PLCE1: variants seen among roughly 807,000 people sequenced by gnomAD.
The protein encoded by PLCE1 is phospholipase C epsilon 1.
Under a neutral mutation model 242.8 loss-of-function variants are expected in PLCE1, and 119 were observed. That is an observed-to-expected ratio of 0.49 (90% CI 0.42 to 0.57). The LOEUF (loss-of-function observed/expected upper bound fraction) is 0.57. Ranked by LOEUF, PLCE1 falls within the 20% of genes least tolerant of loss-of-function variation. The probability of loss-of-function intolerance (pLI) is 0.00; values close to 1 mark genes in which losing one functional copy is unlikely to be tolerated. For synonymous variants in PLCE1, 945 were observed against 1,017.4 expected (o/e 0.93, Z 1.35); for missense variants, 2,441 against 2,788.8 (o/e 0.88, Z 2.81).
chr10:94,064,027 G>A (rs891225491), intron 2 of PLCE1, among the ~76,000 whole-genome samples: 4 of 152,112 alleles, frequency 2.6e-5, no homozygotes, highest in Non-Finnish European at 5.9e-5. Context: ...GTACTGAGAG[G>A]TGGACTGGGG....
chr10:94,068,015 A>G (rs2044245311), intron 2 of PLCE1, among the ~76,000 whole-genome samples: 2 of 152,182 alleles, frequency 1.3e-5, no homozygotes, highest in Admixed American at 1.3e-4. Flanking sequence ...GTCCTCTTCC[A>G]GCAGGCTTTG....
intron 2 of PLCE1, among the ~76,000 whole-genome samples, chr10:94,043,554 A>T (rs1361651885): frequency 6.6e-6 from 1 of 152,100 alleles, no homozygotes; most frequent in African/African-American, 2.4e-5. Flanking sequence ...AGCCTGTGGG[A>T]GTTTGGCAGT....
At chr10:94,127,276 A>T (rs2135849247) in intron 2 of PLCE1, among the ~76,000 whole-genome samples, 1 of 152,322 alleles carries the variant, frequency 6.6e-6, no homozygotes, top group African/African-American at 2.4e-5. Context: ...GTCTGGATCA[A>T]CTGATCTCTG....
At chr10:94,095,766 A>T (rs1358821048) in intron 2 of PLCE1, among the ~76,000 whole-genome samples, 1 of 152,152 alleles carries the variant, frequency 6.6e-6, no homozygotes, top group African/African-American at 2.4e-5. Flanking sequence ...TGTCTTCCTC[A>T]CTTTACAGAT....
intron 18 of PLCE1, among the ~76,000 whole-genome samples, chr10:94,272,388 G>A (rs2051779005): frequency 6.6e-6 from 1 of 152,106 alleles, no homozygotes; most frequent in African/African-American, 2.4e-5. Flanking sequence ...CTTTTTGCCT[G>A]ACCCTGCAGG....
At position 93,993,949 on chromosome 10, in the gene PLCE1, G is replaced by T. The variant is rs1303883460; in HGVS notation, c.-674G>T. On this transcript the variant is annotated 5_prime_UTR_variant, in exon 1 of 33. Coordinates refer to ENST00000371380, the MANE Select transcript of PLCE1 (RefSeq NM_016341.4). ...GCTGTCCGGGCAGCGCGCACATCTC[G>T]GCGGGAGCGGACTGTGAACGGCGCG... Among the ~76,000 whole-genome samples the T allele has an allele frequency of 6.6e-6, 1 of 151,104 alleles. No homozygotes were observed. Among genetic ancestry groups the T allele is most frequent in the Non-Finnish European group, 1.5e-5 (1 of 67,650 alleles).
At chr10:94,051,470 C>A (rs536797176) in intron 2 of PLCE1, among the ~76,000 whole-genome samples, 2 of 151,962 alleles carry the variant, frequency 1.3e-5, no homozygotes, top group Non-Finnish European at 1.5e-5. Context: ...AGAAACTGAT[C>A]CATCTAAAAA....
At chr10:93,994,308 G>C (rs778376169) in intron 1 of PLCE1, among the ~76,000 whole-genome samples, 50 bp downstream of exon 1, 5 of 152,240 alleles carry the variant, frequency 3.3e-5, no homozygotes, top group African/African-American at 7.2e-5. Context: ...AGAAAGGGAA[G>C]GATGGGCTGG....
chr10:94,009,864 T>C (rs890604512), intron 1 of PLCE1, among the ~76,000 whole-genome samples: 5 of 152,252 alleles, frequency 3.3e-5, no homozygotes, highest in Non-Finnish European at 7.3e-5. Flanking sequence ...TGGAGTCTGC[T>C]ATCTGTATCT....
intron 2 of PLCE1, among the ~76,000 whole-genome samples, chr10:94,074,518 A>C (rs1401298495): frequency 6.6e-6 from 1 of 152,206 alleles, no homozygotes; most frequent in East Asian, 1.9e-4. Flanking sequence ...CCAGTTGATC[A>C]GAGTTGGCAT....
intron 4 of PLCE1, among the ~76,000 whole-genome samples, chr10:94,173,903 C>T (rs937974753): frequency 1.5e-4 from 23 of 152,294 alleles, no homozygotes; most frequent in Admixed American, 6.5e-4. Context: ...ATGATCTCTA[C>T]TGGACACGAC....
intron 4 of PLCE1, among the ~76,000 whole-genome samples, chr10:94,214,334 G>C (rs936904035): frequency 1.3e-5 from 2 of 152,058 alleles, no homozygotes; most frequent in Non-Finnish European, 2.9e-5. Context: ...ACCCTGAGGA[G>C]AGTGATTACA....
At chr10:94,050,602 C>T (rs553303613) in intron 2 of PLCE1, among the ~76,000 whole-genome samples, 1 of 152,206 alleles carries the variant, frequency 6.6e-6, no homozygotes, top group African/African-American at 2.4e-5. Flanking sequence ...TTAGACTACC[C>T]TAATCTACCA....
chr10:94,165,352 G>A lies in PLCE1; in HGVS notation c.1493-5828G>A, dbSNP rs559061703. Among the ~76,000 whole-genome samples the A allele has an allele frequency of 1.5e-4, 23 of 152,264 alleles. No homozygotes were observed. The South Asian group carries it at 3.3e-3, about 22-fold the overall frequency. Reference sequence around the variant, plus strand: ...TGGCGGGCGCCCCTCCCCCAGCCTCGCTGCCGCCTTGCAGTTTGATCTCAG... The same window carrying A: ...TGGCGGGCGCCCCTCCCCCAGCCTCACTGCCGCCTTGCAGTTTGATCTCAG... On this transcript the variant is annotated intron_variant, in intron 3 of 32. Transcript: ENST00000371380.
chr10:94,115,594 G>A (rs546748622), intron 2 of PLCE1, among the ~76,000 whole-genome samples: 2 of 152,084 alleles, frequency 1.3e-5, no homozygotes, highest in Middle Eastern at 3.2e-3. Flanking sequence ...CATATCCTTC[G>A]CCCACTTGTT....
At chr10:94,327,733 A>T (rs968493721) in intron 32 of PLCE1, among the ~76,000 whole-genome samples, 9 of 152,160 alleles carry the variant, frequency 5.9e-5, no homozygotes, top group East Asian at 1.9e-4. Context: ...GATCTTTTTT[A>T]AAAAAACAAA....
chr10:94,293,834 C>T (rs551607397), intron 23 of PLCE1, among the ~76,000 whole-genome samples, 195 bp downstream of exon 23: 2 of 152,328 alleles, frequency 1.3e-5, no homozygotes, highest in Non-Finnish European at 2.9e-5. Flanking sequence ...AGGCTGGGCA[C>T]AGTGGCTCAT....
intron 2 of PLCE1, among the ~76,000 whole-genome samples, chr10:94,124,398 A>G (rs879841524): frequency 6.7e-6 from 1 of 149,472 alleles, no homozygotes; most frequent in Non-Finnish European, 1.5e-5. Context: ...AAAAAAAAAA[A>G]GAAAGAAAGA....
chr10:94,015,919 A>G (rs1453344109), intron 1 of PLCE1, among the ~76,000 whole-genome samples: 3 of 152,160 alleles, frequency 2.0e-5, no homozygotes, highest in Non-Finnish European at 2.9e-5. Context: ...TTTATGGACC[A>G]TTTTTACTTG....
Sources: gnomAD v4.1 joint callset for allele counts (sites outside exome capture counted in the v4.1 genomes callset) on GRCh38, gnomAD v4.1.1 for gene constraint, MANE v1.5 for transcripts, NCBI Gene and HGNC (gene_info 2026-07-23, HGNC 2026-07-21) for gene names.